CFAP299: variants seen among roughly 807,000 people sequenced by gnomAD.
CFAP299 encodes cilia and flagella associated protein 299, also known as cilia- and flagella-associated protein 299.
In CFAP299, 21 loss-of-function variants were observed where a neutral mutation model predicts 27.0. That is an observed-to-expected ratio of 0.78 (90% CI 0.55 to 1.12). The LOEUF (loss-of-function observed/expected upper bound fraction) is 1.12. Ranked by LOEUF, CFAP299 falls within the 50% of genes most tolerant of loss-of-function variation. The probability of loss-of-function intolerance (pLI) is 0.00; values close to 1 mark genes in which losing one functional copy is unlikely to be tolerated. For missense variants in CFAP299, 310 were observed against 276.6 expected (o/e 1.12, Z -0.86); for synonymous variants, 104 against 98.1 (o/e 1.06, Z -0.36).
chr4:80,813,001 C>A (rs1195924997), intron 3 of CFAP299, among the ~76,000 whole-genome samples: 2 of 151,928 alleles, frequency 1.3e-5, no homozygotes, highest in African/African-American at 2.4e-5. Flanking sequence ...AATCAACCTT[C>A]AAAAAATGTT....
chr4:80,526,088 A>G (rs1429699062), intron 2 of CFAP299, among the ~76,000 whole-genome samples: 2 of 152,160 alleles, frequency 1.3e-5, no homozygotes, highest in African/African-American at 4.8e-5. Context: ...TGAAAACAGT[A>G]CATACATGCA....
chr4:80,390,165 A>G (rs1725248206), intron 2 of CFAP299, among the ~76,000 whole-genome samples: 2 of 152,062 alleles, frequency 1.3e-5, no homozygotes, highest in Admixed American at 6.5e-5. Context: ...GCACATTTCA[A>G]GTATACAATA....
At chr4:80,637,308 A>G (rs1258741338) in intron 3 of CFAP299, among the ~76,000 whole-genome samples, 2 of 152,224 alleles carry the variant, frequency 1.3e-5, no homozygotes, top group Non-Finnish European at 2.9e-5. Flanking sequence ...GATATAATAT[A>G]ATGTACAGTA....
intron 3 of CFAP299, among the ~76,000 whole-genome samples, chr4:80,760,974 G>A (rs1420996572): frequency 6.6e-6 from 1 of 152,124 alleles, no homozygotes; most frequent in East Asian, 1.9e-4. Context: ...AGTATACCTG[G>A]AATGCCGAGT....
intron 2 of CFAP299, among the ~76,000 whole-genome samples, chr4:80,477,483 C>T (rs754885975): frequency 1.2e-4 from 19 of 152,184 alleles, no homozygotes; most frequent in Admixed American, 5.9e-4. Context: ...ATTTTGGCCA[C>T]TCAGGCTTTG....
chr4:80,926,205 T>A (rs908683403), intron 4 of CFAP299, among the ~76,000 whole-genome samples: 3 of 151,888 alleles, frequency 2.0e-5, no homozygotes, highest in African/African-American at 7.2e-5. Context: ...TAGAAAAAGC[T>A]CAAGAAAAAT....
At chr4:80,553,256 G>C (rs111939930) in intron 2 of CFAP299, among the ~76,000 whole-genome samples, 9,015 of 152,150 alleles carry the variant, frequency 0.059, 854 homozygotes, top group African/African-American at 0.2. Flanking sequence ...TTGGTTTTCT[G>C]TTGCTGCAGT....
In CFAP299 at chr4:80,765,080, T is replaced by TATA. The variant is rs377457062; in HGVS notation, c.334-104894_334-104892dup. On this transcript the variant is annotated intron_variant, in intron 3 of 5. Transcript: ENST00000358105. ...CATTCTGCACACGTATCCCAGAACT[T>TATA]ATAATAATAATAATAATAATAGTAA... 1.3e-3 allele frequency among the ~76,000 whole-genome samples: 197 copies of TATA among 151,772 alleles called. 1 individual carries two copies. The highest frequency in any genetic ancestry group is 7.1e-3 in the South Asian group (34 of 4,802).
At chr4:80,322,308 A>G in the CFAP299 span, among the ~76,000 whole-genome samples, 1 of 152,206 alleles carries the variant, frequency 6.6e-6, no homozygotes, top group Non-Finnish European at 1.5e-5. Context: ...GCAACAAAAC[A>G]GCAACAACAG....
rs142482615 is a variant in CFAP299 at position 80,893,151 on chromosome 4, T to C, written c.476+23016T>C. ...ATTTATAGTAGCATCAAAAATAAAA[T>C]AAAATGCTTAGGAATGAATTTAACC... On this transcript the variant is annotated intron_variant, in intron 4 of 5. Coordinates refer to ENST00000358105, the MANE Select transcript of CFAP299 (RefSeq NM_152770.3). Among the ~76,000 whole-genome samples the C allele has an allele frequency of 2.7e-3, 409 of 151,394 alleles. 5 individuals are homozygous for C. The highest frequency in any genetic ancestry group is 9.3e-3 in the African/African-American group (383 of 41,326).
chr4:80,478,304 T>A (rs1730381896), intron 2 of CFAP299, among the ~76,000 whole-genome samples: 1 of 152,154 alleles, frequency 6.6e-6, no homozygotes, highest in South Asian at 2.1e-4. Context: ...GCATGTTTCT[T>A]CTTGACTCTA....
intron 2 of CFAP299, among the ~76,000 whole-genome samples, chr4:80,453,847 TA>T (rs201457336): frequency 1.0e-5 from 1 of 97,008 alleles, no homozygotes. Flanking sequence ...TCTCAAATAA[TA>T]ATAATAATAA....
At chr4:80,662,371 G>T (rs572996978) in intron 3 of CFAP299, among the ~76,000 whole-genome samples, 70 of 150,058 alleles carry the variant, frequency 4.7e-4, no homozygotes, top group African/African-American at 1.7e-3. Flanking sequence ...AAAGAAAATG[G>T]AAAAGAACCT....
chr4:80,394,028 G>A (rs977368007), intron 2 of CFAP299, among the ~76,000 whole-genome samples: 2 of 152,094 alleles, frequency 1.3e-5, no homozygotes, highest in African/African-American at 4.8e-5. Context: ...TTTCATAAGT[G>A]TTTGACAGTT....
chr4:80,902,384 T>A (rs1734946234), intron 4 of CFAP299, among the ~76,000 whole-genome samples: 1 of 146,168 alleles, frequency 6.8e-6, no homozygotes, highest in African/African-American at 2.5e-5. Flanking sequence ...ATATATTTTA[T>A]AAATATATGA....
intron 2 of CFAP299, among the ~76,000 whole-genome samples, chr4:80,566,699 A>C (rs953786039): frequency 1.3e-5 from 2 of 151,888 alleles, no homozygotes; most frequent in Non-Finnish European, 2.9e-5. Context: ...CTTTGCTTTC[A>C]TTTTTTTCAT....
At chr4:80,864,262 A>G (rs576911967) in intron 3 of CFAP299, among the ~76,000 whole-genome samples, 1 of 151,678 alleles carries the variant, frequency 6.6e-6, no homozygotes, top group South Asian at 2.1e-4. Context: ...TAGGGCTCTG[A>G]ATAACAAAGC....
At chr4:80,448,066 A>G (rs1204784969) in intron 2 of CFAP299, among the ~76,000 whole-genome samples, 2 of 152,218 alleles carry the variant, frequency 1.3e-5, no homozygotes, top group Non-Finnish European at 2.9e-5. Flanking sequence ...ACAGATCTGT[A>G]TGTTGTACAC....
chr4:80,901,755 AT>A (rs1734909850), intron 4 of CFAP299, among the ~76,000 whole-genome samples: 1 of 152,032 alleles, frequency 6.6e-6, no homozygotes, highest in African/African-American at 2.4e-5. Flanking sequence ...CATTTCTTTC[AT>A]ATATGGTTAC....
Sources: allele counts gnomAD v4.1 joint callset (sites outside exome capture counted in the v4.1 genomes callset), GRCh38; gene constraint gnomAD v4.1.1; transcripts MANE v1.5; gene names NCBI Gene and HGNC (gene_info 2026-07-23, HGNC 2026-07-21).